EIPR1: variants seen among roughly 807,000 people sequenced by gnomAD.
The protein encoded by EIPR1 is EARP and GARP complex-interacting protein 1.
Under a neutral mutation model 48.1 loss-of-function variants are expected in EIPR1, and 25 were observed. That is an observed-to-expected ratio of 0.52 (90% CI 0.38 to 0.73). The LOEUF is 0.73. EIPR1 is among the 30% of genes least tolerant of loss of function. EIPR1 has a pLI of 0.00. For missense variants in EIPR1, 415 were observed against 506.2 expected (o/e 0.82, Z 1.73); for synonymous variants, 204 against 201.9 (o/e 1.01, Z -0.09).
intron 4 of EIPR1, among the ~76,000 whole-genome samples, chr2:3,226,102 G>A (rs1240092765): frequency 6.6e-6 from 1 of 152,194 alleles, no homozygotes; most frequent in African/African-American, 2.4e-5. Context: ...CTTTGACATG[G>A]AGGTGCAGGG....
At chr2:3,254,971 C>T (rs2694068) in intron 4 of EIPR1, among the ~76,000 whole-genome samples, 100,890 of 152,144 alleles carry the variant, frequency 0.66, 33,691 homozygotes, top group East Asian at 0.81. Flanking sequence ...GAAGGATACA[C>T]GGGATCTCTC....
At chr2:3,247,048 GGAGA>G (rs1475019489) in intron 4 of EIPR1, among the ~76,000 whole-genome samples, 6 of 14,470 alleles carry the variant, frequency 4.1e-4, no homozygotes, top group African/African-American at 8.6e-4. Context: ...AGAGAGGGAG[GGAGA>G]GAGGGAGGGA....
intron 3 of EIPR1, among the ~76,000 whole-genome samples, chr2:3,305,281 A>T (rs370853262): frequency 5.8e-5 from 8 of 137,264 alleles, no homozygotes; most frequent in African/African-American, 2.0e-4. Flanking sequence ...ACTCCCGTCC[A>T]GTTCAGCCCT....
intron 4 of EIPR1, among the ~76,000 whole-genome samples, chr2:3,249,252 G>A (rs1666933258): frequency 6.6e-6 from 1 of 152,218 alleles, no homozygotes; most frequent in African/African-American, 2.4e-5. Context: ...GGTCTCAGAT[G>A]GAAATGAGGA....
chr2:3,203,810 G>T (rs974475128), intron 5 of EIPR1, among the ~76,000 whole-genome samples: 1 of 152,252 alleles, frequency 6.6e-6, no homozygotes, highest in Admixed American at 6.5e-5. Flanking sequence ...ACACTGTGGG[G>T]CCACACGGCC....
intron 6 of EIPR1, 173 bp from the exon 7 acceptor site, chr2:3,194,339 T>G: frequency 3.1e-6 from 2 of 650,014 alleles, no homozygotes; most frequent in Non-Finnish European, 5.2e-6. Context: ...ACCTCCTCCA[T>G]CCCAGCAACC....
At chr2:3,221,081 G>C (rs1447264661) in intron 4 of EIPR1, among the ~76,000 whole-genome samples, 32 of 14,946 alleles carry the variant, frequency 2.1e-3, no homozygotes, top group African/African-American at 4.3e-3. Flanking sequence ...CAATGGCCGA[G>C]GTACACTCTA....
chr2:3,340,828 G>A (rs1670216897), intron 2 of EIPR1, among the ~76,000 whole-genome samples: 1 of 152,010 alleles, frequency 6.6e-6, no homozygotes, highest in African/African-American at 2.4e-5. Context: ...CAGGCGCGGT[G>A]GCTGACATCT....
intron 3 of EIPR1, among the ~76,000 whole-genome samples, chr2:3,271,166 C>T (rs1480486063): frequency 6.6e-6 from 1 of 152,230 alleles, no homozygotes; most frequent in African/African-American, 2.4e-5. Flanking sequence ...ACTTCTAATT[C>T]AAGTTCTCTT....
intron 4 of EIPR1, among the ~76,000 whole-genome samples, chr2:3,224,963 GC>G (rs1330123957): frequency 2.0e-5 from 3 of 152,246 alleles, no homozygotes; most frequent in African/African-American, 7.2e-5. Context: ...GGGTGCCGGG[GC>G]CAGCACGAGG....
Position 3,207,501 on chromosome 2 carries a change from G to A in EIPR1, c.516+6648C>T, listed in dbSNP as rs922896442. On this transcript the variant is annotated intron_variant, in intron 5 of 8. Coordinates refer to ENST00000382125, the MANE Select transcript of EIPR1 (RefSeq NM_003310.5). ...TCTAGATACTGCAGGCCCTATAACC[G>A]CATGGCACATTACAAAAGGCAGAGG... is the stretch of plus-strand genomic sequence containing the variant. 3.3e-5 allele frequency among the ~76,000 whole-genome samples: 5 copies of A among 152,112 alleles called. No homozygotes were observed. In the South Asian group the frequency reaches 6.2e-4, roughly 19 times the overall value.
Position 3,189,070 on chromosome 2 carries a change from C to T in EIPR1, c.*264G>A, listed in dbSNP as rs148246195. The T allele has an allele frequency of 1.2e-5, 4 of 345,944 alleles. No homozygotes were observed. The highest frequency in any genetic ancestry group is 4.4e-5 in the East Asian group (1 of 22,850). 21.4% of individuals were successfully genotyped at this position (345,944 alleles called of 1,614,324 possible). ...TTTTAAAAAGCGAAACTCCTGACAC[C>T]CTTAAAACAGAAAACATTGTTATTC... On this transcript the variant is annotated 3_prime_UTR_variant, in exon 9 of 9. Transcript: ENST00000382125. This position sits in a 1 kb window ranked among gnomAD's most constrained non-coding sequence, Gnocchi z 4.6.
At chr2:3,284,826 G>A (rs1427936329) in intron 3 of EIPR1, among the ~76,000 whole-genome samples, 1 of 152,242 alleles carries the variant, frequency 6.6e-6, no homozygotes, top group East Asian at 1.9e-4. Context: ...GCCAGCAGCA[G>A]AGTCAGAGGA....
At chr2:3,304,840 C>CATCA (rs1668873671) in intron 3 of EIPR1, among the ~76,000 whole-genome samples, 1 of 149,872 alleles carries the variant, frequency 6.7e-6, no homozygotes, top group African/African-American at 2.5e-5. Flanking sequence ...CCTCCAGTCC[C>CATCA]GTCCAGTTCA....
In EIPR1 at chr2:3,235,644, C is replaced by A. The variant is rs73909797; in HGVS notation, c.417-21396G>T. Among the ~76,000 whole-genome samples the A allele has an allele frequency of 3.7e-3, 566 of 152,294 alleles. 3 individuals are homozygous for A. Among genetic ancestry groups the A allele is most frequent in the African/African-American group, 0.013 (549 of 41,570 alleles). ...GAAGAAGTCTCAAATGAACTTAATTCAACTCTAAGTTTTTGCCAAACTTAT... is the reference window on the plus strand; with the variant it reads ...GAAGAAGTCTCAAATGAACTTAATTAAACTCTAAGTTTTTGCCAAACTTAT... On this transcript the variant is annotated intron_variant, in intron 4 of 8. Transcript: ENST00000382125.
At chr2:3,212,507 C>A (rs1205300250) in intron 5 of EIPR1, among the ~76,000 whole-genome samples, 2 of 152,166 alleles carry the variant, frequency 1.3e-5, no homozygotes, top group Non-Finnish European at 1.5e-5. Flanking sequence ...AGTGTCTCAC[C>A]CAAAGCCTAC....
intron 4 of EIPR1, among the ~76,000 whole-genome samples, chr2:3,254,224 A>G (rs888124440): frequency 1.3e-5 from 2 of 152,144 alleles, no homozygotes; most frequent in East Asian, 3.9e-4. Context: ...AGACACTTAA[A>G]AGAACACGCA....
At chr2:3,314,798 C>T (rs1162170279) in intron 3 of EIPR1, among the ~76,000 whole-genome samples, 1 of 151,888 alleles carries the variant, frequency 6.6e-6, no homozygotes, top group Admixed American at 6.6e-5. Context: ...CTGCCTCAGC[C>T]GCACTGGACC....
At chr2:3,195,962 A>T (rs951023704) in intron 6 of EIPR1, among the ~76,000 whole-genome samples, 2 of 152,188 alleles carry the variant, frequency 1.3e-5, no homozygotes, top group East Asian at 3.8e-4. Flanking sequence ...TTGTTTTCAG[A>T]TACTGAAATT....
Sources: gnomAD v4.1 joint callset for allele counts (sites outside exome capture counted in the v4.1 genomes callset) on GRCh38, gnomAD v4.1.1 for gene constraint, Gnocchi (gnomAD v3.1) non-coding constraint, MANE v1.5 for transcripts, NCBI Gene and HGNC (gene_info 2026-07-23, HGNC 2026-07-21) for gene names.